MTTP: variants seen among roughly 807,000 people sequenced by gnomAD.
MTTP encodes the protein microsomal triglyceride transfer protein.
In MTTP, 49 loss-of-function variants were observed where a neutral mutation model predicts 90.6. That is an observed-to-expected ratio of 0.54 (90% confidence interval 0.43 to 0.69). The LOEUF is 0.69. Ranked by LOEUF, MTTP falls within the 30% of genes least tolerant of loss-of-function variation. MTTP has a pLI of 0.00. For synonymous variants in MTTP, 347 were observed against 384.2 expected (o/e 0.90, Z 1.13); for missense variants, 945 against 1,067.5 (o/e 0.89, Z 1.60).
At chr4:99,607,083 C>A in intron 11 of MTTP, 123 bp downstream of exon 11, 1 of 841,554 alleles carries the variant, frequency 1.2e-6, no homozygotes. Context: ...TTCTCTCCTG[C>A]TTAAAAATAA....
At chr4:99,582,961 TTATTC>T (rs1208924630) in intron 2 of MTTP, among the ~76,000 whole-genome samples, 1 of 152,170 alleles carries the variant, frequency 6.6e-6, no homozygotes, top group Non-Finnish European at 1.5e-5. Flanking sequence ...ATATTCCTCC[TTATTC>T]AGTAATTAGA....
intron 15 of MTTP, among the ~76,000 whole-genome samples, chr4:99,615,171 A>G (rs887469379): frequency 2.2e-4 from 34 of 152,338 alleles, no homozygotes; most frequent in Admixed American, 7.8e-4. Context: ...GGGTCAGCAA[A>G]CTTGTTCTGT....
At position 99,594,846 on chromosome 4, in the gene MTTP, G is replaced by A; in HGVS notation, c.872G>A (p.Gly291Glu). ...AAGTACACGGCCATTCCCATTGTGG[G>A]GCAGGTCTTCCAGAGCCACTGTAAA... ...DSKYTAIPIVGQVFQSHCKGC... is the reference protein window; with the variant it reads ...DSKYTAIPIVEQVFQSHCKGC... The change falls in exon 7 of 18, where the codon GGG becomes GAG. Residue 291 changes from glycine (G) to glutamate (E), a missense_variant. By Grantham distance (98) the Gly-to-Glu change is moderately conservative (BLOSUM62 -2). Transcript: ENST00000265517. The A allele has an allele frequency of 6.2e-7, 1 of 1,613,996 alleles. No homozygotes were observed. Among genetic ancestry groups the A allele is most frequent in the Non-Finnish European group, 8.5e-7 (1 of 1,179,914 alleles).
chr4:99,594,157 C>T (rs114945481), intron 6 of MTTP, among the ~76,000 whole-genome samples: 3,698 of 152,242 alleles, frequency 0.024, 83 homozygotes, highest in Non-Finnish European at 0.037. Flanking sequence ...GATAGTGTGC[C>T]AGAGAAAAGC....
intron 9 of MTTP, 32 bp from the exon 10 acceptor site, chr4:99,601,575 G>T: frequency 1.4e-6 from 2 of 1,403,152 alleles, no homozygotes; most frequent in South Asian, 1.2e-5. Context: ...TAAATGTCTT[G>T]GTAACCTATT....
At chr4:99,592,459 A>G (rs1208403260) in intron 6 of MTTP, among the ~76,000 whole-genome samples, 1 of 151,806 alleles carries the variant, frequency 6.6e-6, no homozygotes, top group East Asian at 1.9e-4. Flanking sequence ...AACACATTGT[A>G]TAGGTGTACA....
At chr4:99,597,274 A>C in intron 8 of MTTP, 50 bp downstream of exon 8, 1 of 1,602,500 alleles carries the variant, frequency 6.2e-7, no homozygotes, top group Non-Finnish European at 8.5e-7. Context: ...ACATTTCTGG[A>C]TTGTTGGTTT....
chr4:99,576,652 G>T (rs1159153688), intron 1 of MTTP, among the ~76,000 whole-genome samples: 1 of 121,136 alleles, frequency 8.3e-6, no homozygotes, highest in Non-Finnish European at 1.6e-5. Flanking sequence ...CCGAGATCCC[G>T]CCACTGCACT....
At chr4:99,576,331 C>CA (rs1291876788) in intron 1 of MTTP, among the ~76,000 whole-genome samples, 1 of 152,190 alleles carries the variant, frequency 6.6e-6, no homozygotes, top group Non-Finnish European at 1.5e-5. Context: ...TGGTACTTAT[C>CA]ATGAGCTTCT....
At chr4:99,605,758 A>G (rs1725798657) in intron 10 of MTTP, among the ~76,000 whole-genome samples, 1 of 152,278 alleles carries the variant, frequency 6.6e-6, no homozygotes, top group South Asian at 2.1e-4. Context: ...TAGTTGAGAA[A>G]TGTCACTTCT....
At chr4:99,620,798 T>G in intron 16 of MTTP, 2 of 495,250 alleles carry the variant, frequency 4.0e-6, no homozygotes, top group Non-Finnish European at 7.3e-6. Flanking sequence ...CAATGTAGTA[T>G]CTTACAGACA....
upstream of MTTP, among the ~76,000 whole-genome samples, chr4:99,574,201 T>C (rs568837000): frequency 3.9e-5 from 6 of 152,346 alleles, no homozygotes; most frequent in South Asian, 8.3e-4. Flanking sequence ...TATGAAATAA[T>C]TGGCTTGCTA....
intron 1 of MTTP, among the ~76,000 whole-genome samples, chr4:99,567,973 C>CA (rs1380640581): frequency 1.1e-4 from 17 of 149,038 alleles, no homozygotes; most frequent in Admixed American, 1.1e-3. Context: ...GAATATGAAG[C>CA]AAAAAAAAGT....
At chr4:99,579,584 T>G (rs1480021465) in intron 1 of MTTP, among the ~76,000 whole-genome samples, 3 of 152,184 alleles carry the variant, frequency 2.0e-5, no homozygotes, top group African/African-American at 7.2e-5. Context: ...TTCCCTTTCC[T>G]GCTTCAGTTT....
In MTTP at chr4:99,574,831, C is replaced by T. The variant is rs145929301; in HGVS notation, c.-79C>T. On this transcript the variant is annotated 5_prime_UTR_variant, in exon 1 of 18. Transcript: ENST00000265517. ...CAGGTTCTGAAGAGGGTCACTCCCT[C>T]ACTGGCTGCCATTGAAAGAGTCCAC... 7.2e-5 allele frequency: 116 copies of T among 1,613,748 alleles called. 2 individuals are homozygous for T. Among genetic ancestry groups the T allele is most frequent in the South Asian group, 5.4e-4 (49 of 91,046 alleles).
At chr4:99,591,566 G>A in intron 5 of MTTP, 85 bp from the exon 6 acceptor site, 1 of 1,455,846 alleles carries the variant, frequency 6.9e-7, no homozygotes, top group Non-Finnish European at 9.5e-7. Flanking sequence ...GCTGTTTGTA[G>A]ACTGAAAGAC....
In MTTP at chr4:99,591,700, A is replaced by G. The variant is rs780136670; in HGVS notation, c.668A>G (p.Glu223Gly). Residue 223 changes from glutamate (E) to glycine (G), a missense_variant, in exon 6 of 18, where the codon GAA becomes GGA. Transcript: ENST00000265517. ...ACATCTGTCACCACCTATAAGATAG[A>G]AGACAGCTTTGTTATAGCTGTGCTT... is the stretch of plus-strand genomic sequence containing the variant. ...KATSVTTYKI[E>G]DSFVIAVLAE... The G allele has an allele frequency of 1.9e-6, 3 of 1,613,108 alleles. No homozygotes were observed. The highest frequency in any genetic ancestry group is 3.3e-5 in the Admixed American group (2 of 59,988).
chr4:99,608,758 A>G lies in MTTP; in HGVS notation c.1558-8A>G. The stretch of plus-strand genomic sequence containing the variant: ...GATGTGCACTAAGTTTGAACATCTT[A>G]TGAACAGGTGAAGAAGACCTTAAAC... On this transcript the variant is annotated splice_region_variant and splice_polypyrimidine_tract_variant and intron_variant, in intron 11 of 17. Coordinates refer to ENST00000265517, the MANE Select transcript of MTTP (RefSeq NM_001386140.1). The G allele has an allele frequency of 2.5e-6, 4 of 1,610,742 alleles. No individual in the cohort carries two copies. Among genetic ancestry groups the G allele is most frequent in the Non-Finnish European group, 1.7e-6 (2 of 1,176,908 alleles).
chr4:99,585,700 A>G (rs1725242014), intron 3 of MTTP, among the ~76,000 whole-genome samples: 1 of 152,136 alleles, frequency 6.6e-6, no homozygotes, highest in African/African-American at 2.4e-5. Flanking sequence ...GAAAGGACTC[A>G]GTACCCTCAC....
Sources: allele counts gnomAD v4.1 joint callset (sites outside exome capture counted in the v4.1 genomes callset), GRCh38; gene constraint gnomAD v4.1.1; transcripts MANE v1.5; gene names NCBI Gene and HGNC (gene_info 2026-07-23, HGNC 2026-07-21).